Variants in ARHGEF3 observed in about 807,000 individuals in gnomAD.
ARHGEF3 encodes 59.8 kDA protein.
A neutral mutation model predicts 63.2 loss-of-function variants in ARHGEF3; 28 were observed. The observed-to-expected ratio is 0.44, with a 90% CI of 0.33 to 0.61. The LOEUF (loss-of-function observed/expected upper bound fraction) is 0.61. Ranked by LOEUF, ARHGEF3 falls within the 20% of genes least tolerant of loss-of-function variation. The pLI is 0.03. For synonymous variants in ARHGEF3, 266 were observed against 254.2 expected (o/e 1.05, Z -0.44); for missense variants, 533 against 659.3 (o/e 0.81, Z 2.10).
At position 56,729,103 on chromosome 3, in the gene ARHGEF3, T is replaced by G; in HGVS notation, c.*167A>C. 1.6e-6 allele frequency: 1 copy of G among 614,614 alleles called. No individual in the cohort carries two copies. The highest frequency in any genetic ancestry group is 2.1e-5 in the South Asian group (1 of 47,538). The allele number at this position is 614,614 out of a possible 1,614,324, so 38.1% of individuals were successfully genotyped here. On this transcript the variant is annotated 3_prime_UTR_variant, in exon 10 of 10. Transcript: ENST00000296315. ...ACAGATTCCAGCTTACACAGACAGA[T>G]TGGCAGTTACAGTACTAGGGACAAA...
At chr3:56,877,376 C>CTTT (rs755860299) in intron 4 of ARHGEF3, among the ~76,000 whole-genome samples, 31,827 of 136,710 alleles carry the variant, frequency 0.23, 4,499 homozygotes, top group East Asian at 0.47. Flanking sequence ...TACTATAATC[C>CTTT]TTTTTTTTTT....
chr3:56,940,174 C>G (rs1314484017), intron 3 of ARHGEF3: 1 of 152,180 alleles, frequency 6.6e-6, no homozygotes, highest in Non-Finnish European at 1.5e-5. Flanking sequence ...GTGCCTGGTT[C>G]AAGGTACTTC....
intron 4 of ARHGEF3, among the ~76,000 whole-genome samples, chr3:56,848,364 T>C (rs1373884567): frequency 6.6e-6 from 1 of 152,214 alleles, no homozygotes; most frequent in East Asian, 1.9e-4. Flanking sequence ...CTATGCCACA[T>C]GCTAGCTCTG....
intron 1 of ARHGEF3, among the ~76,000 whole-genome samples, chr3:57,067,220 G>C (rs1318198762): frequency 2.6e-5 from 4 of 152,220 alleles, no homozygotes; most frequent in African/African-American, 9.6e-5. Context: ...GGGAGGCCAA[G>C]GCGGGTGGAT....
At chr3:57,002,538 AAT>A (rs1302355577) in intron 2 of ARHGEF3, among the ~76,000 whole-genome samples, 14 of 51,250 alleles carry the variant, frequency 2.7e-4, no homozygotes, top group South Asian at 6.9e-4. Context: ...TTATATATGT[AAT>A]ATATGTTATG....
chr3:56,767,937 G>A (rs1423409200), intron 2 of ARHGEF3, among the ~76,000 whole-genome samples: 1 of 151,712 alleles, frequency 6.6e-6, no homozygotes, highest in Admixed American at 6.6e-5. Context: ...TGGTAGAGAC[G>A]GGGTTTCACC....
chr3:57,044,438 C>T (rs1008927632), intron 1 of ARHGEF3, among the ~76,000 whole-genome samples: 2 of 152,150 alleles, frequency 1.3e-5, no homozygotes, highest in Non-Finnish European at 2.9e-5. Context: ...GCTGGGGACA[C>T]AAGGACTTGT....
intron 1 of ARHGEF3, among the ~76,000 whole-genome samples, chr3:57,065,436 G>A (rs1705474484): frequency 6.6e-6 from 1 of 151,940 alleles, no homozygotes; most frequent in African/African-American, 2.4e-5. Context: ...ACTCCAGCCT[G>A]GGCAACAGAG....
At chr3:56,752,074 A>T (rs1559904625) in intron 4 of ARHGEF3, among the ~76,000 whole-genome samples, 6 of 126,482 alleles carry the variant, frequency 4.7e-5, no homozygotes, top group Non-Finnish European at 9.2e-5. Context: ...TTTAAAAAAT[A>T]TTTTTTTCTT....
At chr3:56,791,182 T>A (rs1477181948) in intron 1 of ARHGEF3, among the ~76,000 whole-genome samples, 1 of 152,018 alleles carries the variant, frequency 6.6e-6, no homozygotes, top group Non-Finnish European at 1.5e-5. Flanking sequence ...GTGGGAGGAT[T>A]ACTTGAACCC....
intron 3 of ARHGEF3, among the ~76,000 whole-genome samples, chr3:56,951,293 A>T (rs1288701919): frequency 6.6e-6 from 1 of 151,840 alleles, no homozygotes; most frequent in Non-Finnish European, 1.5e-5. Context: ...AAAAGAAAGG[A>T]AAGAAAAAAA....
intron 4 of ARHGEF3, among the ~76,000 whole-genome samples, chr3:56,855,514 C>G (rs11925243): frequency 0.085 from 12,906 of 151,784 alleles, 801 homozygotes; most frequent in Admixed American, 0.21. Flanking sequence ...TAAAACCCCT[C>G]TCTACTAAAA....
At chr3:57,031,981 A>G (rs560835831) in intron 2 of ARHGEF3, among the ~76,000 whole-genome samples, 1 of 152,282 alleles carries the variant, frequency 6.6e-6, no homozygotes, top group East Asian at 1.9e-4. Context: ...ATATATACTA[A>G]AAGATGGGGG....
At chr3:56,771,441 A>T (rs1456851288) in intron 2 of ARHGEF3, among the ~76,000 whole-genome samples, 2 of 152,228 alleles carry the variant, frequency 1.3e-5, no homozygotes, top group African/African-American at 4.8e-5. Flanking sequence ...GGAGGCACAG[A>T]TTGTGCTCTT....
chr3:57,039,590 G>T (rs1297324898), intron 1 of ARHGEF3, among the ~76,000 whole-genome samples: 1 of 152,136 alleles, frequency 6.6e-6, no homozygotes, highest in Non-Finnish European at 1.5e-5. Flanking sequence ...GTCAGAAATG[G>T]GTCTACATGG....
chr3:56,948,107 T>C (rs1699610977), intron 3 of ARHGEF3, among the ~76,000 whole-genome samples: 1 of 152,048 alleles, frequency 6.6e-6, no homozygotes, highest in Non-Finnish European at 1.5e-5. Flanking sequence ...CATACCAGAA[T>C]CTCTGGGACA....
intron 4 of ARHGEF3, among the ~76,000 whole-genome samples, chr3:56,857,618 T>C (rs1249369493): frequency 6.6e-6 from 1 of 152,228 alleles, no homozygotes; most frequent in East Asian, 1.9e-4. Flanking sequence ...AAAGCATCTC[T>C]ATCTAAGGCT....
At chr3:56,927,592 G>T (rs907978388) in intron 3 of ARHGEF3, among the ~76,000 whole-genome samples, 1 of 152,176 alleles carries the variant, frequency 6.6e-6, no homozygotes, top group African/African-American at 2.4e-5. Context: ...TGAGGGGTCT[G>T]AGGAGGGGAG....
chr3:56,936,813 G>T (rs1374537896), intron 3 of ARHGEF3, among the ~76,000 whole-genome samples: 2 of 152,112 alleles, frequency 1.3e-5, no homozygotes, highest in African/African-American at 4.8e-5. Flanking sequence ...TCCAACTCCA[G>T]AGCTCAAGTG....
Sources: gnomAD v4.1 joint callset for allele counts (sites outside exome capture counted in the v4.1 genomes callset) on GRCh38, gnomAD v4.1.1 for gene constraint, MANE v1.5 for transcripts, NCBI Gene and HGNC (gene_info 2026-07-23, HGNC 2026-07-21) for gene names.